DMD: variants seen among roughly 807,000 people sequenced by gnomAD.
DMD encodes the protein dystrophin.
Under a neutral mutation model 330.1 loss-of-function variants are expected in DMD, and 63 were observed. The observed-to-expected ratio is 0.19, with a 90% CI of 0.16 to 0.24. The LOEUF (loss-of-function observed/expected upper bound fraction) is 0.24, where lower values mean the gene tolerates loss of function less well. Ranked by LOEUF, DMD falls within the 10% of genes least tolerant of loss-of-function variation. DMD has a pLI of 1.00. For missense variants in DMD, 3,344 were observed against 2,684.1 expected, an observed-to-expected ratio of 1.25 and a Z score of -5.43; for synonymous variants, 1,223 against 959.8, an observed-to-expected ratio of 1.27 and a Z score of -5.07.
intron 7 of DMD, among the ~76,000 whole-genome samples, chrX:32,790,734 G>A (rs149485999): frequency 3.0e-4 from 34 of 111,634 alleles, no homozygotes; most frequent in African/African-American, 1.0e-3. Context: ...TGCAAATGCT[G>A]TCACTGTGAA....
chrX:31,151,485 A>G (rs1237639438), intron 74 of DMD, among the ~76,000 whole-genome samples: 2 of 112,073 alleles, frequency 1.8e-5, no homozygotes, highest in Non-Finnish European at 3.8e-5. Flanking sequence ...CCTTTTCTAG[A>G]GAGATCTTCC....
chrX:31,405,533 CCT>C (rs1242066293), intron 60 of DMD, among the ~76,000 whole-genome samples: 1 of 111,093 alleles, frequency 9.0e-6, no homozygotes, highest in African/African-American at 3.3e-5. Context: ...TTGCCAAACC[CCT>C]GACAACCATC....
intron 2 of DMD, among the ~76,000 whole-genome samples, chrX:33,001,031 C>T (rs1010976002): frequency 1.8e-5 from 2 of 111,172 alleles, no homozygotes; most frequent in Admixed American, 9.6e-5. Flanking sequence ...CTACTGTGTG[C>T]CAGCTACTCT....
chrX:33,156,729 C>A (rs1315113272), intron 1 of DMD, among the ~76,000 whole-genome samples: 5 of 111,715 alleles, frequency 4.5e-5, no homozygotes, highest in Non-Finnish European at 9.4e-5. Context: ...CACAGTATAT[C>A]GAAATACGCT....
chrX:32,100,391 GTATATATATA>G (rs57119778), intron 44 of DMD, among the ~76,000 whole-genome samples: 1 of 98,146 alleles, frequency 1.0e-5, no homozygotes, highest in African/African-American at 4.1e-5. Context: ...ATATATATAT[GTATATATATA>G]TATATTAGCT....
intron 52 of DMD, among the ~76,000 whole-genome samples, chrX:31,684,918 TAGAG>T (rs1446566104): frequency 8.9e-6 from 1 of 112,266 alleles, no homozygotes; most frequent in Non-Finnish European, 1.9e-5. Flanking sequence ...TTCTAACTTA[TAGAG>T]AGAGACAAAC....
intron 51 of DMD, among the ~76,000 whole-genome samples, chrX:31,747,851 T>C (rs1603458862): frequency 8.9e-6 from 1 of 112,214 alleles, no homozygotes; most frequent in East Asian, 2.8e-4. Context: ...GGTTTCTCAT[T>C]ATGAACAATA....
At chrX:32,565,569 T>C (rs1048104253) in intron 16 of DMD, 133 bp downstream of exon 16, 182 of 617,024 alleles carry the variant, frequency 2.9e-4, no homozygotes, top group Non-Finnish European at 4.0e-4. Flanking sequence ...AAAAGAATCA[T>C]GTTTTTATTT....
At chrX:33,009,558 A>ATGTGTGTATGTGTATATACACATATGTG (rs2093572768) in intron 2 of DMD, among the ~76,000 whole-genome samples, 1 of 64,959 alleles carries the variant, frequency 1.5e-5, no homozygotes, top group Non-Finnish European at 3.3e-5. Flanking sequence ...ATATGTGTGT[A>ATGTGTGTATGTGTATATACACATATGTG]TGTGTGTATG....
rs780083057 is a variant in DMD at position 32,500,140 on chromosome X, C to G, written c.2380+1615G>C. Among the ~76,000 whole-genome samples the G allele has an allele frequency of 1.6e-3, 173 of 110,552 alleles. 1 individual carries two copies. Among genetic ancestry groups the G allele is most frequent in the African/African-American group, 5.5e-3 (168 of 30,430 alleles). On this transcript the variant is annotated intron_variant, in intron 19 of 78. Coordinates refer to ENST00000357033, the MANE Select transcript of DMD (RefSeq NM_004006.3). ...AATGTCTCAAATCACACCCCTACCC[C>G]CCAGTGTTCCCTGGTATCTGCCAAA...
At chrX:31,515,008 G>A (rs1355126345) in intron 55 of DMD, among the ~76,000 whole-genome samples, 1 of 110,828 alleles carries the variant, frequency 9.0e-6, no homozygotes, top group African/African-American at 3.3e-5. Context: ...GAGAATAAAA[G>A]TTTAGAAAGA....
intron 2 of DMD, among the ~76,000 whole-genome samples, chrX:33,014,477 A>T (rs191226878): frequency 8.9e-6 from 1 of 111,914 alleles, no homozygotes; most frequent in Non-Finnish European, 1.9e-5. Context: ...AGAATGCAAA[A>T]TGTTACGGAG....
intron 49 of DMD, among the ~76,000 whole-genome samples, chrX:31,825,548 G>A (rs1260184051): frequency 1.8e-5 from 2 of 111,522 alleles, no homozygotes; most frequent in African/African-American, 3.3e-5. Flanking sequence ...TTCTCATGGT[G>A]TAAGTATCTC....
At chrX:31,575,157 T>C (rs761376414) in intron 55 of DMD, among the ~76,000 whole-genome samples, 1 of 112,023 alleles carries the variant, frequency 8.9e-6, no homozygotes, top group African/African-American at 3.2e-5. Context: ...ATTTGGCCAA[T>C]CTAGCTATTT....
At position 33,009,547 on chromosome X, in the gene DMD, CAT is replaced by C. The variant is rs1423701232; in HGVS notation, c.93+10590_93+10591del. On this transcript the variant is annotated intron_variant, in intron 2 of 78. Coordinates refer to ENST00000357033, the MANE Select transcript of DMD (RefSeq NM_004006.3). ...GTGTATGTGTGTATGTGTATATACACATATGTGTGTATGTGTGTATGTGTATA... is the reference window on the plus strand; with the variant it reads ...GTGTATGTGTGTATGTGTATATACACATGTGTGTATGTGTGTATGTGTATA... Among the ~76,000 whole-genome samples, 27 of 65,997 alleles carry C rather than the reference CAT, an allele frequency of 4.1e-4. 1 individual carries two copies. Among genetic ancestry groups the C allele is most frequent in the South Asian group, 1.9e-3 (2 of 1,073 alleles). The allele number at this position is 65,997 out of a possible 115,157, so 57.3% of individuals were successfully genotyped here.
At chrX:31,653,795 G>C (rs758819915) in intron 54 of DMD, among the ~76,000 whole-genome samples, 1 of 111,062 alleles carries the variant, frequency 9.0e-6, no homozygotes, top group South Asian at 3.8e-4. Flanking sequence ...ACTTGCAGAG[G>C]CTCACATTTC....
chrX:31,250,887 T>C (rs1342742109), intron 63 of DMD, among the ~76,000 whole-genome samples: 2 of 110,572 alleles, frequency 1.8e-5, no homozygotes, highest in African/African-American at 6.6e-5. Flanking sequence ...ATCGAGACCA[T>C]CCTAGCCAAC....
chrX:32,669,399 T>A (rs183764692), intron 9 of DMD, among the ~76,000 whole-genome samples: 1 of 111,824 alleles, frequency 8.9e-6, no homozygotes, highest in East Asian at 2.8e-4. Context: ...GATGGTACTT[T>A]CCTAAGGAAA....
intron 62 of DMD, among the ~76,000 whole-genome samples, chrX:31,311,872 G>C (rs2055548787): frequency 9.0e-6 from 1 of 111,362 alleles, no homozygotes; most frequent in Non-Finnish European, 1.9e-5. Context: ...CTCCTATTCA[G>C]TAAACGGTGC....
Sources: gnomAD v4.1 joint callset for allele counts (sites outside exome capture counted in the v4.1 genomes callset) on GRCh38, gnomAD v4.1.1 for gene constraint, MANE v1.5 for transcripts, NCBI Gene and HGNC (gene_info 2026-07-23, HGNC 2026-07-21) for gene names.